Variants in MDH1 observed in about 807,000 individuals in gnomAD.
MDH1 encodes the protein malate dehydrogenase, cytoplasmic.
In MDH1, 15 loss-of-function variants were observed where a neutral mutation model predicts 38.7. That is an observed-to-expected ratio of 0.39 (90% CI 0.26 to 0.60). The LOEUF (loss-of-function observed/expected upper bound fraction) is 0.60. MDH1 is among the 20% of genes least tolerant of loss of function. MDH1 has a pLI of 0.56. For synonymous variants in MDH1, 144 were observed against 143.6 expected (o/e 1.00, Z -0.02); for missense variants, 368 against 405.2 (o/e 0.91, Z 0.79).
intron 3 of MDH1, among the ~76,000 whole-genome samples, chr2:63,596,163 ATTAAT>A (rs916476471): frequency 6.6e-6 from 1 of 152,198 alleles, no homozygotes; most frequent in Non-Finnish European, 1.5e-5. Context: ...AATATTCTAA[ATTAAT>A]TTAAATATTT....
intron 5 of MDH1, chr2:63,600,065 A>G (rs901588725): frequency 6.6e-6 from 1 of 152,110 alleles, no homozygotes; most frequent in Non-Finnish European, 1.5e-5. Flanking sequence ...AGATAGGTCT[A>G]TGAGTTCAGT....
At chr2:63,600,770 T>C (rs1189743292) in intron 5 of MDH1, among the ~76,000 whole-genome samples, 1 of 152,202 alleles carries the variant, frequency 6.6e-6, no homozygotes, top group Non-Finnish European at 1.5e-5. Context: ...TGGTGGTAGC[T>C]GAGAACGAAT....
chr2:63,591,879 A>C (rs1709207766), intron 1 of MDH1, among the ~76,000 whole-genome samples: 1 of 152,238 alleles, frequency 6.6e-6, no homozygotes, highest in African/African-American at 2.4e-5. Flanking sequence ...TTTAATCCTT[A>C]AAACTACTCT....
chr2:63,604,096 T>TAC (rs1218563427), intron 5 of MDH1, among the ~76,000 whole-genome samples: 1 of 152,036 alleles, frequency 6.6e-6, no homozygotes, highest in Non-Finnish European at 1.5e-5. Context: ...TATATGTGTG[T>TAC]ACACACACAC....
rs201112064 is a variant in MDH1 at position 63,604,698 on chromosome 2, T to C, written c.501T>C (p.Ile167=). 5 of 1,612,214 alleles carry C rather than the reference T, an allele frequency of 3.1e-6. No homozygotes were observed. Among genetic ancestry groups the C allele is most frequent in the Non-Finnish European group, 4.2e-6 (5 of 1,179,024 alleles). ...GTATTTGTTTTCAATTTAACTAGAT[T>C]GCTCTTAAACTTGGTGTGACTGCTA... ...RLDHNRAKAQ[I]ALKLGVTAND... is the part of the protein sequence containing the mutation. The change falls in exon 6 of 9, where the codon ATT becomes ATC. Residue 167 remains isoleucine, a splice_region_variant and synonymous_variant. Transcript: ENST00000233114.
intron 6 of MDH1, 51 bp downstream of exon 6, chr2:63,604,923 G>C: frequency 6.3e-7 from 1 of 1,583,636 alleles, no homozygotes; most frequent in Non-Finnish European, 8.6e-7. Flanking sequence ...GAACTCTTGA[G>C]AGACTCTTAG....
At position 63,605,312 on chromosome 2, in the gene MDH1, G is replaced by A; in HGVS notation, c.708G>A (p.Lys236=). The A allele has an allele frequency of 6.2e-7, 1 of 1,614,184 alleles. No individual in the cohort carries two copies. Among genetic ancestry groups the A allele is most frequent in the Non-Finnish European group, 8.5e-7 (1 of 1,180,008 alleles). The change falls in exon 7 of 9, where the codon AAG becomes AAA. Residue 236 remains lysine, a synonymous_variant. Transcript: ENST00000233114. The part of the protein sequence containing the change: ...TVQQRGAAVI[K]ARKLSSAMSA... ...AGCAGCGTGGCGCTGCTGTCATCAA[G>A]GCTCGAAAACTATCCAGTGCCATGT...
intron 6 of MDH1, 129 bp from the exon 7 acceptor site, chr2:63,605,151 T>C: frequency 3.0e-6 from 2 of 673,200 alleles, no homozygotes; most frequent in Non-Finnish European, 5.1e-6. Context: ...CATTGGGTTG[T>C]TGCATGATTT....
At position 63,605,537 on chromosome 2, in the gene MDH1, T is replaced by C. The variant is rs142245488; in HGVS notation, c.789+144T>C. 120 of 649,226 alleles carry C rather than the reference T, an allele frequency of 1.8e-4. 1 individual carries two copies. The highest frequency in any genetic ancestry group is 3.1e-4 in the Non-Finnish European group (114 of 369,144). 40.2% of individuals were successfully genotyped at this position (649,226 alleles called of 1,614,324 possible). A position where few individuals can be genotyped will look rare whatever the true frequency, so the allele number is the denominator to read the frequency against. Reference sequence around the variant, plus strand: ...GCCTATTAACAAGTAAACTTCGGGGTTTGTTAGCCTTGACCTTTCTGAGCT... The same window carrying C: ...GCCTATTAACAAGTAAACTTCGGGGCTTGTTAGCCTTGACCTTTCTGAGCT... On this transcript the variant is annotated intron_variant, in intron 7 of 8. Transcript: ENST00000233114.
chr2:63,595,626 AT>A, intron 3 of MDH1, 107 bp downstream of exon 3: 1 of 692,170 alleles, frequency 1.4e-6, no homozygotes, highest in Non-Finnish European at 2.5e-6. Context: ...TCATAAGAGG[AT>A]TTTTTTATTT....
chr2:63,594,183 G>A (rs1709257893), intron 1 of MDH1: 1 of 508,814 alleles, frequency 2.0e-6, no homozygotes, highest in Admixed American at 2.1e-5. Flanking sequence ...GCCAGGGTTT[G>A]GATCACCACA....
chr2:63,604,938 G>A, intron 6 of MDH1, 66 bp downstream of exon 6: 1 of 1,532,540 alleles, frequency 6.5e-7, no homozygotes, highest in Non-Finnish European at 8.9e-7. Context: ...TCTTAGGACA[G>A]AAAACCTTAA....
At position 63,597,443 on chromosome 2, in the gene MDH1, G is replaced by A; in HGVS notation, c.244G>A (p.Asp82Asn). 6.7e-7 allele frequency: 1 copy of A among 1,488,982 alleles called. No homozygotes were observed. The highest frequency in any genetic ancestry group is 9.0e-7 in the Non-Finnish European group (1 of 1,109,944). 92.2% of individuals were successfully genotyped at this position (1,488,982 alleles called of 1,614,324 possible). A position where few individuals can be genotyped will look rare whatever the true frequency, so the allele number is the denominator to read the frequency against. The change falls in exon 4 of 9, where the codon GAT becomes AAT. Residue 82 changes from aspartate (D) to asparagine (N), a missense_variant. Transcript: ENST00000233114. ...AGAAGACGTTGCCTTCAAAGACCTG[G>A]ATGTGGCCATTCTTGTGGGCTCCAT... ...DKEDVAFKDL[D>N]VAILVGSMPR...
intron 5 of MDH1, among the ~76,000 whole-genome samples, chr2:63,603,877 G>A (rs1018395586): frequency 1.3e-4 from 20 of 152,038 alleles, no homozygotes; most frequent in African/African-American, 4.8e-4. Flanking sequence ...GGCTGGTCTC[G>A]AACTGTCAAC....
At chr2:63,605,879 G>C (rs1709517254) in intron 7 of MDH1, 60 bp from the exon 8 acceptor site, 1 of 1,356,760 alleles carries the variant, frequency 7.4e-7, no homozygotes, top group South Asian at 1.2e-5. Flanking sequence ...AATTTTATTA[G>C]TTCATGTGTC....
Position 63,588,999 on chromosome 2 carries a change from A to G in MDH1, c.-45A>G. On this transcript the variant is annotated 5_prime_UTR_variant, in exon 1 of 9. Transcript: ENST00000233114. ...GCGGTAGAGGTGACCTGACTCTCTG[A>G]GGCTCATTTTGCAGTTGTTGAAATT... is the stretch of plus-strand genomic sequence containing the variant. 2 of 1,614,144 alleles carry G rather than the reference A, an allele frequency of 1.2e-6. No individual in the cohort carries two copies. The highest frequency in any genetic ancestry group is 1.7e-6 in the Non-Finnish European group (2 of 1,180,012).
intron 1 of MDH1, 80 bp from the exon 2 acceptor site, chr2:63,594,408 T>A: frequency 1.9e-6 from 2 of 1,066,942 alleles, no homozygotes; most frequent in Non-Finnish European, 1.5e-6. Context: ...GTATGTGGAT[T>A]TCTTACTATA....
At chr2:63,592,726 A>G (rs1302570492) in intron 1 of MDH1, among the ~76,000 whole-genome samples, 1 of 152,238 alleles carries the variant, frequency 6.6e-6, no homozygotes, top group Admixed American at 6.5e-5. Context: ...CAGTTCTTAT[A>G]CATTTCCATC....
At chr2:63,595,743 G>A (rs1191088912) in intron 3 of MDH1, among the ~76,000 whole-genome samples, 1 of 151,928 alleles carries the variant, frequency 6.6e-6, no homozygotes, top group African/African-American at 2.4e-5. Context: ...TTTCCCCAAT[G>A]TGTGTGTGTA....
Sources: gnomAD v4.1 joint callset for allele counts (sites outside exome capture counted in the v4.1 genomes callset) on GRCh38, gnomAD v4.1.1 for gene constraint, MANE v1.5 for transcripts, NCBI Gene and HGNC (gene_info 2026-07-23, HGNC 2026-07-21) for gene names.